Variants in CTNNA3 observed in about 807,000 individuals in gnomAD.
CTNNA3 encodes catenin alpha 3.
In CTNNA3, 76 loss-of-function variants were observed where a neutral mutation model predicts 95.7. The observed-to-expected ratio is 0.79, with a 90% CI of 0.66 to 0.96. The LOEUF is 0.96. Ranked by LOEUF, CTNNA3 falls within the 40% of genes least tolerant of loss-of-function variation. The pLI, the probability that CTNNA3 is intolerant of heterozygous loss-of-function variation, is 0.00. For synonymous variants in CTNNA3, 431 were observed against 374.4 expected (o/e 1.15, Z -1.74); for missense variants, 1,191 against 1,089.8 (o/e 1.09, Z -1.31).
chr10:65,929,513 T>C (rs2077217697), intron 17 of CTNNA3, among the ~76,000 whole-genome samples: 2 of 152,136 alleles, frequency 1.3e-5, no homozygotes, highest in African/African-American at 4.8e-5. Context: ...CAGCTAATCT[T>C]AGATTTGTGT....
chr10:66,552,126 A>G (rs1842238542), intron 10 of CTNNA3, among the ~76,000 whole-genome samples: 1 of 151,974 alleles, frequency 6.6e-6, no homozygotes, highest in African/African-American at 2.4e-5. Flanking sequence ...GACGGTCTCC[A>G]TCTCCTGACC....
chr10:67,385,735 A>G (rs1382704684), intron 5 of CTNNA3, among the ~76,000 whole-genome samples: 1 of 152,072 alleles, frequency 6.6e-6, no homozygotes, highest in African/African-American at 2.4e-5. Context: ...CAACAGCACC[A>G]TCAGAGCAAG....
intron 13 of CTNNA3, among the ~76,000 whole-genome samples, chr10:66,170,774 T>C (rs1418980887): frequency 6.7e-6 from 1 of 149,994 alleles, no homozygotes; most frequent in East Asian, 1.9e-4. Context: ...GGTATGTAGT[T>C]AGGAACATAT....
intron 7 of CTNNA3, among the ~76,000 whole-genome samples, chr10:67,106,534 GTTCA>G (rs757016834): frequency 4.7e-4 from 71 of 152,292 alleles, no homozygotes; most frequent in Non-Finnish European, 8.1e-4. Context: ...TTTTACGGGT[GTTCA>G]TTCAGTCAAC....
At chr10:66,825,455 T>C (rs1410361759) in intron 7 of CTNNA3, among the ~76,000 whole-genome samples, 2 of 151,592 alleles carry the variant, frequency 1.3e-5, no homozygotes, top group Non-Finnish European at 2.9e-5. Flanking sequence ...TTGGTATTTT[T>C]AGTAGAGATG....
At chr10:67,324,839 T>G (rs1841476759) in intron 5 of CTNNA3, among the ~76,000 whole-genome samples, 1 of 152,158 alleles carries the variant, frequency 6.6e-6, no homozygotes, top group Non-Finnish European at 1.5e-5. Flanking sequence ...CTTGTACATG[T>G]GGTAGAATTC....
intron 13 of CTNNA3, among the ~76,000 whole-genome samples, chr10:66,161,166 C>T (rs530772037): frequency 6.6e-6 from 1 of 152,262 alleles, no homozygotes; most frequent in South Asian, 2.1e-4. Context: ...GCATTTAGGC[C>T]ATTTACATTC....
intron 7 of CTNNA3, among the ~76,000 whole-genome samples, chr10:66,831,156 A>G (rs1192793063): frequency 1.3e-5 from 2 of 152,106 alleles, no homozygotes; most frequent in Non-Finnish European, 2.9e-5. Flanking sequence ...CCTTCCAAAT[A>G]AGTCTCTAAT....
At chr10:66,626,092 AT>A (rs1303728458) in intron 9 of CTNNA3, among the ~76,000 whole-genome samples, 2 of 152,168 alleles carry the variant, frequency 1.3e-5, no homozygotes, top group Non-Finnish European at 2.9e-5. Flanking sequence ...AATAAATTGA[AT>A]ATCAGAGCAT....
intron 12 of CTNNA3, among the ~76,000 whole-genome samples, chr10:66,351,453 T>TA (rs571153845): frequency 2.0e-5 from 3 of 151,686 alleles, no homozygotes; most frequent in African/African-American, 7.3e-5. Context: ...TAGCAGATAT[T>TA]AAAAAAAATG....
At chr10:66,222,603 A>AGAAAGAAAGAAC (rs773829584) in intron 13 of CTNNA3, among the ~76,000 whole-genome samples, 1 of 67,546 alleles carries the variant, frequency 1.5e-5, no homozygotes, top group African/African-American at 3.8e-5. Context: ...AAAGAACGAA[A>AGAAAGAAAGAAC]GAAAGAAAGA....
At chr10:66,449,512 C>T (rs1469066098) in intron 11 of CTNNA3, among the ~76,000 whole-genome samples, 1 of 151,930 alleles carries the variant, frequency 6.6e-6, no homozygotes, top group African/African-American at 2.4e-5. Flanking sequence ...ATTAAAAATG[C>T]TTTTTTATTG....
intron 15 of CTNNA3, among the ~76,000 whole-genome samples, chr10:66,067,998 G>A (rs898268092): frequency 6.6e-6 from 1 of 152,104 alleles, no homozygotes; most frequent in Non-Finnish European, 1.5e-5. Flanking sequence ...GGATACAGAT[G>A]ATGCACGTAT....
Position 67,005,682 on chromosome 10 carries a change from C to CTTTTTTTTTTTTTTTTTTTTTTTTTTT in CTNNA3, c.1047+174634_1047+174635insAAAAAAAAAAAAAAAAAAAAAAAAAAA, listed in dbSNP as rs11369576. On this transcript the variant is annotated intron_variant, in intron 7 of 17. Coordinates refer to ENST00000433211, the MANE Select transcript of CTNNA3 (RefSeq NM_013266.4). ...AATGCTTTTGTTTATTTTACTCCAT[C>CTTTTTTTTTTTTTTTTTTTTTTTTTTT]TTTTTTTTTTTTTTTTTTTTTGAGA... Among the ~76,000 whole-genome samples, 6 of 61,976 alleles carry CTTTTTTTTTTTTTTTTTTTTTTTTTTT rather than the reference C, an allele frequency of 9.7e-5. 2 individuals are homozygous for CTTTTTTTTTTTTTTTTTTTTTTTTTTT. Among genetic ancestry groups the CTTTTTTTTTTTTTTTTTTTTTTTTTTT allele is most frequent in the African/African-American group, 1.6e-4 (3 of 18,548 alleles). 40.7% of individuals were successfully genotyped at this position (61,976 alleles called of 152,430 possible).
chr10:66,804,757 A>G (rs1841573245), intron 7 of CTNNA3, among the ~76,000 whole-genome samples: 1 of 152,030 alleles, frequency 6.6e-6, no homozygotes, highest in African/African-American at 2.4e-5. Flanking sequence ...TAGAGATTTT[A>G]TGGAGTTAGA....
intron 5 of CTNNA3, among the ~76,000 whole-genome samples, chr10:67,493,344 G>A (rs1198234961): frequency 6.6e-6 from 1 of 152,106 alleles, no homozygotes; most frequent in African/African-American, 2.4e-5. Flanking sequence ...GGTGGATCAT[G>A]AGGTCAGGGA....
intron 5 of CTNNA3, among the ~76,000 whole-genome samples, chr10:67,310,340 T>C (rs539654322): frequency 6.6e-6 from 1 of 152,134 alleles, no homozygotes; most frequent in Admixed American, 6.5e-5. Flanking sequence ...CTTCCATAAA[T>C]AAAACAAGGA....
At chr10:66,952,160 G>GGGGT (rs1184389482) in intron 7 of CTNNA3, among the ~76,000 whole-genome samples, 1 of 152,168 alleles carries the variant, frequency 6.6e-6, no homozygotes, top group Non-Finnish European at 1.5e-5. Context: ...CACCACTGGA[G>GGGGT]GGGTGTACAG....
At chr10:66,339,586 G>A (rs1052783968) in intron 12 of CTNNA3, among the ~76,000 whole-genome samples, 9 of 151,780 alleles carry the variant, frequency 5.9e-5, no homozygotes, top group Non-Finnish European at 1.5e-5. Context: ...TAATTCTTAT[G>A]TCCTACTTGG....
Sources: allele counts gnomAD v4.1 joint callset (sites outside exome capture counted in the v4.1 genomes callset), GRCh38; gene constraint gnomAD v4.1.1; transcripts MANE v1.5; gene names NCBI Gene and HGNC (gene_info 2026-07-23, HGNC 2026-07-21).